The following CREBL2 variants were observed in gnomAD, a reference collection of about 807,000 sequenced individuals.
CREBL2 encodes the protein cAMP responsive element binding protein like 2.
Under a neutral mutation model 19.5 loss-of-function variants are expected in CREBL2, and 4 were observed. The observed-to-expected ratio is 0.20, with a 90% CI of 0.10 to 0.47. The LOEUF (loss-of-function observed/expected upper bound fraction) is 0.47. Ranked by LOEUF, CREBL2 falls within the 20% of genes least tolerant of loss-of-function variation. CREBL2 has a pLI of 0.98. For missense variants in CREBL2, 85 were observed against 145.1 expected (o/e 0.59, Z 2.13); for synonymous variants, 42 against 46.6 (o/e 0.90, Z 0.40).
At chr12:12,620,987 CTT>C (rs1444508790) in intron 1 of CREBL2, among the ~76,000 whole-genome samples, 5 of 152,298 alleles carry the variant, frequency 3.3e-5, no homozygotes, top group African/African-American at 1.2e-4. Context: ...AGGAATGAAT[CTT>C]TAAAGAACTG....
rs113998718 is a variant in CREBL2, at chr12:12,635,001, G to A, written c.16-776G>A. ...CACTTGAACTCAGGAATTCAAGACC[G>A]CAGTGAGCTATGATGGTGCCACTGT... On this transcript the variant is annotated intron_variant, in intron 1 of 3. Transcript: ENST00000228865. Among the ~76,000 whole-genome samples the A allele has an allele frequency of 5.4e-3, 818 of 151,700 alleles. 11 individuals are homozygous for A. The highest frequency in any genetic ancestry group is 0.023 in the East Asian group (117 of 5,142).
At chr12:12,613,199 A>G (rs1172544856) in intron 1 of CREBL2, among the ~76,000 whole-genome samples, 1 of 152,100 alleles carries the variant, frequency 6.6e-6, no homozygotes, top group Non-Finnish European at 1.5e-5. Context: ...TACCCACATT[A>G]GTGTTGTTTA....
At chr12:12,640,071 T>G (rs1023874337) in intron 3 of CREBL2, among the ~76,000 whole-genome samples, 1 of 152,154 alleles carries the variant, frequency 6.6e-6, no homozygotes, top group Admixed American at 6.6e-5. Context: ...TGTTCAGCAG[T>G]GCACATATTG....
intron 1 of CREBL2, among the ~76,000 whole-genome samples, chr12:12,615,055 G>A (rs1409306475): frequency 2.6e-5 from 4 of 151,936 alleles, no homozygotes; most frequent in Non-Finnish European, 5.9e-5. Flanking sequence ...TTGCTCAGTC[G>A]CCCAGGCTTG....
chr12:12,631,997 G>A (rs1362305965), intron 1 of CREBL2, among the ~76,000 whole-genome samples: 1 of 145,956 alleles, frequency 6.9e-6, no homozygotes, highest in African/African-American at 2.5e-5. Context: ...TGGTGATTAT[G>A]TAGTTTTAAA....
At chr12:12,621,533 A>C (rs1016913347) in intron 1 of CREBL2, among the ~76,000 whole-genome samples, 6 of 151,990 alleles carry the variant, frequency 3.9e-5, no homozygotes, top group Non-Finnish European at 8.8e-5. Flanking sequence ...CAAAAAAAAA[A>C]AAAAAAAAAA....
At chr12:12,640,189 G>T (rs1357383649) in intron 3 of CREBL2, among the ~76,000 whole-genome samples, 1 of 152,118 alleles carries the variant, frequency 6.6e-6, no homozygotes, top group East Asian at 1.9e-4. Context: ...AAGCCTGAGG[G>T]TTCTGCAGGA....
intron 1 of CREBL2, among the ~76,000 whole-genome samples, chr12:12,631,115 T>G (rs959471439): frequency 6.6e-6 from 1 of 152,234 alleles, no homozygotes; most frequent in Non-Finnish European, 1.5e-5. Flanking sequence ...ATCAGTAGAC[T>G]TTAACACTTT....
chr12:12,612,726 A>G (rs1416844945), intron 1 of CREBL2, among the ~76,000 whole-genome samples: 2 of 152,102 alleles, frequency 1.3e-5, no homozygotes, highest in Non-Finnish European at 1.5e-5. Context: ...GCCTTCTCTA[A>G]AAAAATACTG....
At chr12:12,629,134 G>A (rs10845597) in intron 1 of CREBL2, among the ~76,000 whole-genome samples, 66,847 of 152,048 alleles carry the variant, frequency 0.44, 16,574 homozygotes, top group Non-Finnish European at 0.56. Context: ...TTTAGGATTA[G>A]CCTGCCAATT....
chr12:12,630,747 C>T (rs1945437501), intron 1 of CREBL2, among the ~76,000 whole-genome samples: 1 of 152,116 alleles, frequency 6.6e-6, no homozygotes, highest in Admixed American at 6.5e-5. Flanking sequence ...TGTTCCGCTC[C>T]CTCTGAGGAA....
At chr12:12,641,247 A>ATTTTTTTTTTTTTTTTTTTTTTTTTT (rs1380373401) in intron 3 of CREBL2, among the ~76,000 whole-genome samples, 1 of 22,062 alleles carries the variant, frequency 4.5e-5, no homozygotes, top group African/African-American at 9.9e-5. Context: ...TATTATTATT[A>ATTTTTTTTTTTTTTTTTTTTTTTTTT]TTATTATTTT....
intron 1 of CREBL2, among the ~76,000 whole-genome samples, chr12:12,631,869 A>G (rs1257306542): frequency 1.3e-5 from 2 of 152,034 alleles, no homozygotes; most frequent in Non-Finnish European, 2.9e-5. Context: ...ATACATTGTT[A>G]TAGCTAAGAT....
chr12:12,611,989 G>A lies in CREBL2; in HGVS notation c.-184G>A, dbSNP rs1476630958. On this transcript the variant is annotated 5_prime_UTR_variant, in exon 1 of 4. Coordinates refer to ENST00000228865, the MANE Select transcript of CREBL2 (RefSeq NM_001310.4). Reference sequence around the variant, plus strand: ...TGGGGCCGCCTCCAGGGTCCGCTCTGCCATTCCTGAACTGGTCCCTCGTCC... The same window carrying A: ...TGGGGCCGCCTCCAGGGTCCGCTCTACCATTCCTGAACTGGTCCCTCGTCC... 4 of 679,948 alleles carry A rather than the reference G, an allele frequency of 5.9e-6. No homozygotes were observed. The East Asian group carries it at 1.1e-4, about 19-fold the overall frequency. 42.1% of individuals were successfully genotyped at this position (679,948 alleles called of 1,614,324 possible).
chr12:12,622,043 C>G (rs1263170460), intron 1 of CREBL2, among the ~76,000 whole-genome samples: 3 of 152,170 alleles, frequency 2.0e-5, no homozygotes, highest in Non-Finnish European at 4.4e-5. Context: ...CCCTTTCAAA[C>G]TGTTGTGATT....
intron 1 of CREBL2, among the ~76,000 whole-genome samples, chr12:12,612,690 G>T (rs1286896844): frequency 6.6e-6 from 1 of 152,110 alleles, no homozygotes; most frequent in Non-Finnish European, 1.5e-5. Flanking sequence ...TATTTGGCCA[G>T]TGTGGAGTTT....
intron 3 of CREBL2, among the ~76,000 whole-genome samples, chr12:12,638,965 C>T (rs757981061): frequency 1.3e-5 from 2 of 152,154 alleles, no homozygotes; most frequent in Non-Finnish European, 2.9e-5. Context: ...CAGTTATTCC[C>T]CATTACCCAC....
chr12:12,645,000 G>T lies in CREBL2; in HGVS notation c.*3002G>T, dbSNP rs991780913. 1 of 152,180 alleles carries T rather than the reference G, an allele frequency of 6.6e-6. No individual in the cohort carries two copies. The highest frequency in any genetic ancestry group is 1.5e-5 in the Non-Finnish European group (1 of 68,032). 9.4% of individuals were successfully genotyped at this position (152,180 alleles called of 1,614,324 possible). On this transcript the variant is annotated 3_prime_UTR_variant, in exon 4 of 4. Coordinates refer to ENST00000228865, the MANE Select transcript of CREBL2 (RefSeq NM_001310.4). Reference sequence around the variant, plus strand: ...GATCTCTCAGCCTGCTTTCTCATCTGTAAAAAAGGGGGGAGGATAACTTTC... The same window carrying T: ...GATCTCTCAGCCTGCTTTCTCATCTTTAAAAAAGGGGGGAGGATAACTTTC...
intron 1 of CREBL2, among the ~76,000 whole-genome samples, chr12:12,622,701 G>T (rs185850389): frequency 9.0e-4 from 137 of 152,332 alleles, no homozygotes; most frequent in African/African-American, 3.2e-3. Context: ...AAAAAGAGAA[G>T]AAGCCTAACC....
Sources: allele counts gnomAD v4.1 joint callset (sites outside exome capture counted in the v4.1 genomes callset), GRCh38; gene constraint gnomAD v4.1.1; transcripts MANE v1.5; gene names NCBI Gene and HGNC (gene_info 2026-07-23, HGNC 2026-07-21).